Variants in EPAS1 observed in about 807,000 individuals in gnomAD.
The protein encoded by EPAS1 is endothelial PAS domain protein 1.
EPAS1 carries 23 observed loss-of-function variants against 87.9 expected under a neutral mutation model. The observed-to-expected ratio is 0.26, with a 90% confidence interval of 0.19 to 0.37. The LOEUF is 0.37. Among genes scored for constraint, EPAS1 ranks in the 10% least tolerant of loss-of-function variants. The probability of loss-of-function intolerance (pLI) is 1.00; values close to 1 mark genes in which losing one functional copy is unlikely to be tolerated. For synonymous variants in EPAS1, 508 were observed against 444.3 expected, an observed-to-expected ratio of 1.14 and a Z score of -1.80; for missense variants, 1,138 against 1,120.7, an observed-to-expected ratio of 1.02 and a Z score of -0.22.
At chr2:46,351,551 C>A (rs1325454824) in intron 2 of EPAS1, among the ~76,000 whole-genome samples, 1 of 152,122 alleles carries the variant, frequency 6.6e-6, no homozygotes, top group African/African-American at 2.4e-5. Flanking sequence ...CTCTTGCAGT[C>A]TGCACATCCG....
chr2:46,381,805 C>T, intron 13 of EPAS1, 83 bp downstream of exon 13: 1 of 1,597,976 alleles, frequency 6.3e-7, no homozygotes, highest in South Asian at 1.1e-5. Context: ...GGATGTGGCC[C>T]TTCCAAGCCA....
chr2:46,359,278 A>AAAAAAAAAAAAAAAAC (rs1684337796), intron 4 of EPAS1, among the ~76,000 whole-genome samples: 1 of 149,386 alleles, frequency 6.7e-6, no homozygotes, highest in Non-Finnish European at 1.5e-5. Context: ...AAAAAAAAAA[A>AAAAAAAAAAAAAAAAC]AAAGATCAAA....
chr2:46,342,213 C>G (rs1157206314), intron 1 of EPAS1, among the ~76,000 whole-genome samples: 2 of 152,192 alleles, frequency 1.3e-5, no homozygotes, highest in African/African-American at 4.8e-5. Flanking sequence ...TTTGGTTCTG[C>G]CCCAGTTAAG....
At chr2:46,357,295 G>T (rs571580578) in intron 4 of EPAS1, among the ~76,000 whole-genome samples, 16 of 152,324 alleles carry the variant, frequency 1.1e-4, no homozygotes, top group Middle Eastern at 3.4e-3. Context: ...GCAGTCATCT[G>T]GGGGCCAGAC....
intron 2 of EPAS1, among the ~76,000 whole-genome samples, chr2:46,353,966 A>G (rs538392931): frequency 6.6e-6 from 1 of 152,234 alleles, no homozygotes; most frequent in Non-Finnish European, 1.5e-5. Context: ...ACCCACTGTG[A>G]TCCTCTGCAA....
Position 46,297,618 on chromosome 2 carries a change from T to C in EPAS1, c.-294T>C. On this transcript the variant is annotated 5_prime_UTR_variant, in exon 1 of 16. Coordinates refer to ENST00000263734, the MANE Select transcript of EPAS1 (RefSeq NM_001430.5). Reference sequence around the variant, plus strand: ...ACTCCTTTTCCAGGGAAAAAGGAACTTGGGTTCCCTTCTCTCCGTCCTCTT... The same window carrying C: ...ACTCCTTTTCCAGGGAAAAAGGAACCTGGGTTCCCTTCTCTCCGTCCTCTT... The C allele has an allele frequency of 2.2e-6, 1 of 462,764 alleles. No homozygotes were observed. Among genetic ancestry groups the C allele is most frequent in the Non-Finnish European group, 3.9e-6 (1 of 255,560 alleles). 28.7% of individuals were successfully genotyped at this position (462,764 alleles called of 1,614,324 possible).
Position 46,361,097 on chromosome 2 carries a change from G to T in EPAS1, c.779+7G>T. The T allele has an allele frequency of 6.2e-7, 1 of 1,613,982 alleles. No individual in the cohort carries two copies. The highest frequency in any genetic ancestry group is 1.6e-4 in the Middle Eastern group (1 of 6,062). On this transcript the variant is annotated splice_region_variant and intron_variant, in intron 6 of 15. Transcript: ENST00000263734. ...TCACCTACTGTGATGACAGGTAGGG[G>T]GCCATGGGTGTGTATGCTGTGGGCA...
At chr2:46,322,562 T>C (rs1464009989) in intron 1 of EPAS1, among the ~76,000 whole-genome samples, 4 of 152,202 alleles carry the variant, frequency 2.6e-5, no homozygotes. Context: ...AACAAGTTCC[T>C]AGATGATGAT....
chr2:46,381,153 A>C, intron 12 of EPAS1: 1 of 344,536 alleles, frequency 2.9e-6, no homozygotes. Flanking sequence ...AGGCTCCAGA[A>C]ATGCCTTCCC....
At chr2:46,323,645 A>G (rs953087166) in intron 1 of EPAS1, among the ~76,000 whole-genome samples, 1 of 152,218 alleles carries the variant, frequency 6.6e-6, no homozygotes, top group Non-Finnish European at 1.5e-5. Context: ...CTGAGTCCCA[A>G]AGTCATCCAC....
At chr2:46,305,513 C>T (rs1683091905) in intron 1 of EPAS1, among the ~76,000 whole-genome samples, 1 of 152,084 alleles carries the variant, frequency 6.6e-6, no homozygotes, top group African/African-American at 2.4e-5. Context: ...AAGTAATTTC[C>T]ATGCCAGATA....
rs145364902 is a variant in EPAS1 at position 46,341,163 on chromosome 2, C to T, written c.27-5710C>T. 2.5e-3 allele frequency among the ~76,000 whole-genome samples: 380 copies of T among 152,328 alleles called. 1 individual carries two copies. Among genetic ancestry groups the T allele is most frequent in the African/African-American group, 8.7e-3 (361 of 41,568 alleles). On this transcript the variant is annotated intron_variant, in intron 1 of 15. Transcript: ENST00000263734. Reference sequence around the variant, plus strand: ...CTGCCTTCATCTCAAACATTTTTGTCACTCCTTTGGAATGGCCCTCACAGC... The same window carrying T: ...CTGCCTTCATCTCAAACATTTTTGTTACTCCTTTGGAATGGCCCTCACAGC...
chr2:46,370,704 T>C (rs1279610271), intron 7 of EPAS1, among the ~76,000 whole-genome samples: 1 of 152,208 alleles, frequency 6.6e-6, no homozygotes, highest in Non-Finnish European at 1.5e-5. Flanking sequence ...TTTTAATTAA[T>C]TTAAATGTAA....
At chr2:46,329,550 G>A (rs371740520) in intron 1 of EPAS1, among the ~76,000 whole-genome samples, 12 of 152,150 alleles carry the variant, frequency 7.9e-5, no homozygotes, top group African/African-American at 2.7e-4. Flanking sequence ...ACGGCCAGGC[G>A]TGGTGGCTCG....
chr2:46,306,704 C>T (rs2104838481), intron 1 of EPAS1, among the ~76,000 whole-genome samples: 1 of 152,272 alleles, frequency 6.6e-6, no homozygotes, highest in Admixed American at 6.5e-5. Context: ...TTTATGAATT[C>T]CACATAGAAA....
chr2:46,339,232 C>A (rs953381573), intron 1 of EPAS1, among the ~76,000 whole-genome samples: 1 of 152,186 alleles, frequency 6.6e-6, no homozygotes, highest in Admixed American at 6.5e-5. Flanking sequence ...AGCTCGTTTT[C>A]TTCATACCTT....
chr2:46,326,496 A>G (rs1683568290), intron 1 of EPAS1, among the ~76,000 whole-genome samples: 1 of 152,162 alleles, frequency 6.6e-6, no homozygotes, highest in Non-Finnish European at 1.5e-5. Flanking sequence ...CAGGGTGGAG[A>G]GGCCTTGACA....
chr2:46,344,979 A>G (rs1683992914), intron 1 of EPAS1, among the ~76,000 whole-genome samples: 1 of 152,362 alleles, frequency 6.6e-6, no homozygotes, highest in East Asian at 1.9e-4. Flanking sequence ...CTCACATTCC[A>G]TGAATCCCAA....
In EPAS1 at chr2:46,380,755, A is replaced by G. The variant is rs758413094; in HGVS notation, c.2045+38A>G. 3.7e-6 allele frequency: 6 copies of G among 1,601,236 alleles called. No homozygotes were observed. Among genetic ancestry groups the G allele is most frequent in the Non-Finnish European group, 1.7e-6 (2 of 1,179,936 alleles). ...TACTCAGCTGTACCAGCAGGGCCGA[A>G]CCGAGAGGCACCCACTAGTAAGATA... On this transcript the variant is annotated intron_variant, in intron 12 of 15. Coordinates refer to ENST00000263734, the MANE Select transcript of EPAS1 (RefSeq NM_001430.5). This position sits in a 1 kb window ranked among gnomAD's most constrained non-coding sequence, Gnocchi z 4.4.
Sources: allele counts gnomAD v4.1 joint callset (sites outside exome capture counted in the v4.1 genomes callset), GRCh38; gene constraint gnomAD v4.1.1; non-coding constraint Gnocchi (gnomAD v3.1); transcripts MANE v1.5; gene names NCBI Gene and HGNC (gene_info 2026-07-23, HGNC 2026-07-21).